Variants in LIN52 observed in about 807,000 individuals in gnomAD.
LIN52 encodes protein lin-52 homolog.
In LIN52, 4 loss-of-function variants were observed where a neutral mutation model predicts 18.5. That is an observed-to-expected ratio of 0.22 (90% CI 0.11 to 0.49). The LOEUF (loss-of-function observed/expected upper bound fraction) is 0.49, where lower values mean the gene tolerates loss of function less well. Ranked by LOEUF, LIN52 falls within the 20% of genes least tolerant of loss-of-function variation. The pLI, the probability that LIN52 is intolerant of heterozygous loss-of-function variation, is 0.97. For missense variants in LIN52, 102 were observed against 139.5 expected (o/e 0.73, Z 1.35); for synonymous variants, 34 against 45.5 (o/e 0.75, Z 1.02).
intron 5 of LIN52, among the ~76,000 whole-genome samples, chr14:74,156,819 C>G (rs1228801266): frequency 6.6e-6 from 1 of 152,170 alleles, no homozygotes; most frequent in Non-Finnish European, 1.5e-5. Context: ...CCTTCCTAGC[C>G]TCCAGTAACC....
At chr14:74,092,006 C>G (rs997413221) in intron 2 of LIN52, among the ~76,000 whole-genome samples, 1 of 152,060 alleles carries the variant, frequency 6.6e-6, no homozygotes, top group African/African-American at 2.4e-5. Context: ...CAGAGTCTCT[C>G]TCTGTCGCCC....
intron 5 of LIN52, among the ~76,000 whole-genome samples, chr14:74,106,442 T>G (rs2060897704): frequency 6.6e-6 from 1 of 152,134 alleles, no homozygotes; most frequent in African/African-American, 2.4e-5. Flanking sequence ...GGCTAATTTT[T>G]TTGATATTTT....
chr14:74,096,100 G>A (rs1031543297), intron 3 of LIN52, 115 bp downstream of exon 3: 14 of 680,436 alleles, frequency 2.1e-5, no homozygotes, highest in Admixed American at 3.4e-5. Context: ...CTCACTCTTC[G>A]CCCAGGCTGG....
chr14:74,171,437 G>A (rs915912110), intron 5 of LIN52, among the ~76,000 whole-genome samples: 13 of 151,024 alleles, frequency 8.6e-5, no homozygotes, highest in Admixed American at 2.0e-4. Context: ...TAATGTTTCA[G>A]AAAGATGATT....
At chr14:74,085,101 T>C (rs757381896) in intron 1 of LIN52, 108 bp downstream of exon 1, 25 of 1,050,362 alleles carry the variant, frequency 2.4e-5, no homozygotes, top group Non-Finnish European at 3.2e-5. Flanking sequence ...TGGGCTCTTC[T>C]CCTTTCCCTT....
intron 5 of LIN52, among the ~76,000 whole-genome samples, chr14:74,125,542 A>G (rs944565394): frequency 5.9e-5 from 9 of 152,154 alleles, no homozygotes; most frequent in Non-Finnish European, 1.5e-5. Flanking sequence ...GTAGATTGCA[A>G]AAATTTTCTC....
chr14:74,127,873 G>A (rs1181853201), intron 5 of LIN52, among the ~76,000 whole-genome samples: 4 of 152,052 alleles, frequency 2.6e-5, no homozygotes, highest in Non-Finnish European at 4.4e-5. Context: ...CACCACGCCT[G>A]TCTGGGACAG....
chr14:74,111,606 G>GTATGTATTTATT (rs1423116772), intron 5 of LIN52, among the ~76,000 whole-genome samples: 6 of 138,026 alleles, frequency 4.3e-5, no homozygotes, highest in Non-Finnish European at 6.2e-5. Flanking sequence ...CCTGCCCCTG[G>GTATGTATTTATT]TATTTATTTA....
At chr14:74,140,650 T>G (rs2061124948) in intron 5 of LIN52, among the ~76,000 whole-genome samples, 1 of 152,158 alleles carries the variant, frequency 6.6e-6, no homozygotes, top group African/African-American at 2.4e-5. Flanking sequence ...GGGCCAGAGG[T>G]CCCAGTGGGG....
chr14:74,186,474 A>G (rs553474867), intron 5 of LIN52, among the ~76,000 whole-genome samples: 12 of 152,024 alleles, frequency 7.9e-5, no homozygotes, highest in South Asian at 2.1e-4. Flanking sequence ...GTAAATAAAC[A>G]AAGTTAATTT....
intron 5 of LIN52, among the ~76,000 whole-genome samples, chr14:74,110,192 G>A (rs965276023): frequency 2.6e-5 from 4 of 152,134 alleles, no homozygotes; most frequent in African/African-American, 4.8e-5. Context: ...AATTCTGTAC[G>A]TTCATGTAGC....
intron 2 of LIN52, among the ~76,000 whole-genome samples, chr14:74,094,196 G>C (rs930589407): frequency 6.6e-6 from 1 of 151,106 alleles, no homozygotes; most frequent in African/African-American, 2.4e-5. Flanking sequence ...TTCATTGTAT[G>C]GATATATTAT....
chr14:74,197,881 A>G (rs969526082), intron 5 of LIN52, among the ~76,000 whole-genome samples: 3 of 152,200 alleles, frequency 2.0e-5, no homozygotes, highest in Non-Finnish European at 4.4e-5. Flanking sequence ...TGGACTTGGG[A>G]AAGGCAACAA....
rs573188668 is a variant in LIN52 at position 74,103,733 on chromosome 14, G to GTTTT, written c.283+2528_283+2531dup. Among the ~76,000 whole-genome samples, 53 of 46,032 alleles carry GTTTT rather than the reference G, an allele frequency of 1.2e-3. 2 individuals are homozygous for GTTTT. The highest frequency in any genetic ancestry group is 1.8e-3 in the Non-Finnish European group (44 of 24,956). The allele number at this position is 46,032 out of a possible 152,430, so 30.2% of individuals were successfully genotyped here. On this transcript the variant is annotated intron_variant, in intron 5 of 5. Transcript: ENST00000555028. The stretch of plus-strand genomic sequence containing the variant: ...AGGTGTGAGCCACCGGGCCTGGCCA[G>GTTTT]TTTTTTTTTTTTTTTTTTTTTTTTT...
intron 5 of LIN52, among the ~76,000 whole-genome samples, chr14:74,103,321 T>C (rs1422529905): frequency 6.6e-6 from 1 of 152,090 alleles, no homozygotes; most frequent in Non-Finnish European, 1.5e-5. Flanking sequence ...TCAAATAATA[T>C]GCTCACCTTG....
intron 5 of LIN52, among the ~76,000 whole-genome samples, chr14:74,110,881 G>T (rs1232529360): frequency 1.3e-5 from 2 of 150,744 alleles, no homozygotes; most frequent in Non-Finnish European, 2.9e-5. Flanking sequence ...CAGGAGAATG[G>T]CATGAACCTG....
intron 5 of LIN52, among the ~76,000 whole-genome samples, chr14:74,194,864 G>C (rs2078900078): frequency 6.6e-6 from 1 of 152,184 alleles, no homozygotes; most frequent in Non-Finnish European, 1.5e-5. Context: ...TAGTTGACAG[G>C]CTGGGCGAGG....
chr14:74,098,729 G>T (rs182734170), intron 4 of LIN52, among the ~76,000 whole-genome samples: 5 of 152,022 alleles, frequency 3.3e-5, no homozygotes, highest in South Asian at 2.1e-4. Context: ...TGTAGTTTTA[G>T]TAGAGATGGG....
chr14:74,149,979 A>G (rs1359202035), intron 5 of LIN52, among the ~76,000 whole-genome samples: 2 of 152,188 alleles, frequency 1.3e-5, no homozygotes, highest in Non-Finnish European at 2.9e-5. Context: ...TACTGCTTCT[A>G]AGTGTCTCAA....
Sources: allele counts gnomAD v4.1 joint callset (sites outside exome capture counted in the v4.1 genomes callset), GRCh38; gene constraint gnomAD v4.1.1; transcripts MANE v1.5; gene names NCBI Gene and HGNC (gene_info 2026-07-23, HGNC 2026-07-21).